Variants in NPAS3 observed in about 807,000 individuals in gnomAD.
NPAS3 encodes neuronal PAS domain protein 3, also known as neuronal PAS domain-containing protein 3.
A neutral mutation model predicts 73.1 loss-of-function variants in NPAS3; 14 were observed. That is an observed-to-expected ratio of 0.19 (90% confidence interval 0.13 to 0.30). NPAS3 has a LOEUF of 0.30. Ranked by LOEUF, NPAS3 falls within the 10% of genes least tolerant of loss-of-function variation. NPAS3 has a pLI of 1.00. For synonymous variants in NPAS3, 620 were observed against 541.5 expected (o/e 1.14, Z -2.01); for missense variants, 1,096 against 1,250.0 (o/e 0.88, Z 1.86).
At chr14:33,153,209 AT>A (rs1159144407) in intron 2 of NPAS3, among the ~76,000 whole-genome samples, 3 of 145,096 alleles carry the variant, frequency 2.1e-5, no homozygotes, top group African/African-American at 7.8e-5. Flanking sequence ...GCAAGTTACC[AT>A]TTTCTACTTT....
intron 7 of NPAS3, among the ~76,000 whole-genome samples, chr14:33,746,166 TTTTATTTTATTTA>T (rs2061785163): frequency 6.7e-6 from 1 of 149,848 alleles, no homozygotes; most frequent in Non-Finnish European, 1.5e-5. Flanking sequence ...TTCTTTTTTA[TTTTATTTTATTTA>T]TTTATTTATT....
chr14:33,070,032 T>G (rs1288867907), intron 2 of NPAS3, among the ~76,000 whole-genome samples: 1 of 152,186 alleles, frequency 6.6e-6, no homozygotes, highest in East Asian at 1.9e-4. Context: ...AGCATTTAAA[T>G]CTCTAACACA....
intron 6 of NPAS3, among the ~76,000 whole-genome samples, chr14:33,716,621 T>A (rs1363435124): frequency 6.6e-6 from 1 of 152,214 alleles, no homozygotes; most frequent in Non-Finnish European, 1.5e-5. Flanking sequence ...AAACAGTAAC[T>A]TCCCATTTTT....
intron 5 of NPAS3, among the ~76,000 whole-genome samples, chr14:33,565,598 T>G (rs1035969246): frequency 6.6e-6 from 1 of 152,130 alleles, no homozygotes; most frequent in Non-Finnish European, 1.5e-5. Context: ...TTGTAGAAGA[T>G]ATATATATTT....
rs138764561 is a variant in NPAS3, at chr14:33,771,727, C to T, written c.853-2610C>T. 3.3e-4 allele frequency among the ~76,000 whole-genome samples: 50 copies of T among 152,038 alleles called. 1 individual carries two copies. The East Asian group carries it at 3.5e-3, about 11-fold the overall frequency. On this transcript the variant is annotated intron_variant, in intron 7 of 11. Coordinates refer to ENST00000356141, the Ensembl canonical transcript of NPAS3. ...TCAGGAGGCTGAGGCAGGAGAATGG[C>T]GTGAACCTGGGACGCAGAGCTTGCA...
At chr14:33,566,752 A>G (rs1275297006) in intron 5 of NPAS3, among the ~76,000 whole-genome samples, 1 of 152,132 alleles carries the variant, frequency 6.6e-6, no homozygotes, top group Non-Finnish European at 1.5e-5. Context: ...CTCCCCTGTC[A>G]TCTTTACATA....
At chr14:33,611,779 T>C (rs1302810195) in intron 5 of NPAS3, among the ~76,000 whole-genome samples, 1 of 152,222 alleles carries the variant, frequency 6.6e-6, no homozygotes, top group African/African-American at 2.4e-5. Context: ...TTGGCCACAT[T>C]GTATTGCTGT....
chr14:33,424,741 G>T (rs960703636), intron 4 of NPAS3, among the ~76,000 whole-genome samples: 1 of 151,438 alleles, frequency 6.6e-6, no homozygotes, highest in Non-Finnish European at 1.5e-5. Context: ...TTAGAAGGGG[G>T]TGGGAATAGT....
At chr14:33,588,002 A>G (rs75823288) in intron 5 of NPAS3, among the ~76,000 whole-genome samples, 3 of 152,210 alleles carry the variant, frequency 2.0e-5, no homozygotes, top group Non-Finnish European at 4.4e-5. Context: ...GCTCTACTTA[A>G]AGATTATCTG....
chr14:33,695,052 A>G (rs1195300302), intron 6 of NPAS3, among the ~76,000 whole-genome samples: 2 of 152,134 alleles, frequency 1.3e-5, no homozygotes, highest in Admixed American at 6.5e-5. Flanking sequence ...CATACAACTA[A>G]CTGAAGTACC....
At chr14:33,578,625 A>G (rs2056543146) in intron 5 of NPAS3, among the ~76,000 whole-genome samples, 1 of 152,206 alleles carries the variant, frequency 6.6e-6, no homozygotes, top group Non-Finnish European at 1.5e-5. Context: ...CTGACTGAAT[A>G]TCTTCCAACT....
At chr14:33,668,083 CA>C (rs763311521) in intron 5 of NPAS3, among the ~76,000 whole-genome samples, 9 of 152,196 alleles carry the variant, frequency 5.9e-5, no homozygotes, top group Non-Finnish European at 1.3e-4. Flanking sequence ...GCTGCAATAG[CA>C]TTGACATGAT....
chr14:32,961,918 A>G (rs1196669443), intron 1 of NPAS3, among the ~76,000 whole-genome samples: 1 of 152,212 alleles, frequency 6.6e-6, no homozygotes, highest in Non-Finnish European at 1.5e-5. Flanking sequence ...AGAATAGAAT[A>G]TTGATATTCT....
intron 5 of NPAS3, among the ~76,000 whole-genome samples, chr14:33,614,114 C>T (rs2057839781): frequency 6.6e-6 from 1 of 152,208 alleles, no homozygotes; most frequent in Non-Finnish European, 1.5e-5. Flanking sequence ...GGACTTATCA[C>T]TGAATACAGA....
At position 33,523,099 on chromosome 14, in the gene NPAS3, G is replaced by T. The variant is rs182161753; in HGVS notation, c.469-37022G>T. On this transcript the variant is annotated intron_variant, in intron 4 of 11. Coordinates refer to ENST00000356141, the Ensembl canonical transcript of NPAS3. ...TTAGACAAATACTGTCTACTCAGGGGAATTATAATCCAGTAGAAGAAATTA... is the reference window on the plus strand; with the variant it reads ...TTAGACAAATACTGTCTACTCAGGGTAATTATAATCCAGTAGAAGAAATTA... 1.2e-3 allele frequency among the ~76,000 whole-genome samples: 179 copies of T among 152,180 alleles called. 1 individual carries two copies. Among genetic ancestry groups the T allele is most frequent in the African/African-American group, 3.7e-3 (155 of 41,526 alleles).
intron 5 of NPAS3, among the ~76,000 whole-genome samples, chr14:33,637,032 A>AT (rs2058541332): frequency 6.6e-6 from 1 of 152,074 alleles, no homozygotes; most frequent in Non-Finnish European, 1.5e-5. Context: ...AGGCAGAGAC[A>AT]TTTTTTTCAT....
At chr14:33,026,486 A>T (rs17099935) in intron 1 of NPAS3, among the ~76,000 whole-genome samples, 1 of 150,816 alleles carries the variant, frequency 6.6e-6, no homozygotes, top group African/African-American at 2.4e-5. Context: ...GAAGTCACTC[A>T]TGTTAACGGA....
chr14:33,524,891 T>C (rs1259818867), intron 4 of NPAS3, among the ~76,000 whole-genome samples: 6 of 152,182 alleles, frequency 3.9e-5, no homozygotes, highest in African/African-American at 1.4e-4. Context: ...GTCTTCTTTT[T>C]ATATAGAAAC....
intron 4 of NPAS3, among the ~76,000 whole-genome samples, chr14:33,485,188 G>A (rs568568359): frequency 4.7e-4 from 72 of 152,108 alleles, no homozygotes; most frequent in African/African-American, 1.7e-3. Flanking sequence ...TGGATTCCTC[G>A]TGTGCTTAGC....
Sources: allele counts gnomAD v4.1 joint callset (sites outside exome capture counted in the v4.1 genomes callset), GRCh38; gene constraint gnomAD v4.1.1; transcripts MANE v1.5; gene names NCBI Gene and HGNC (gene_info 2026-07-23, HGNC 2026-07-21).